IMPG1: variants seen among roughly 807,000 people sequenced by gnomAD.
IMPG1 encodes interphotoreceptor matrix proteoglycan of 150 kDa.
Under a neutral mutation model 92.0 loss-of-function variants are expected in IMPG1, and 85 were observed. That is an observed-to-expected ratio of 0.92 (90% CI 0.78 to 1.11). The LOEUF is 1.11. Among genes scored for constraint, IMPG1 ranks in the 50% least tolerant of loss-of-function variants. IMPG1 has a pLI of 0.00. For missense variants in IMPG1, 1,022 were observed against 956.0 expected (o/e 1.07, Z -0.91); for synonymous variants, 367 against 334.1 (o/e 1.10, Z -1.08).
At chr6:75,976,062 T>C (rs1782527333) in intron 12 of IMPG1, among the ~76,000 whole-genome samples, 1 of 152,296 alleles carries the variant, frequency 6.6e-6, no homozygotes, top group East Asian at 1.9e-4. Flanking sequence ...TCCTGGGTTA[T>C]GTTTGGTCTG....
Position 76,047,263 on chromosome 6 carries a change from C to A in IMPG1, c.68-5137G>T, listed in dbSNP as rs575607475. Among the ~76,000 whole-genome samples, 37 of 152,288 alleles carry A rather than the reference C, an allele frequency of 2.4e-4. 1 individual carries two copies. Among genetic ancestry groups the A allele is most frequent in the Admixed American group, 1.6e-3 (24 of 15,292 alleles). ...GTCTTTCATATGGGAGGGCCCTTCT[C>A]TTCCTTCTCTGTTGTTTTCCTACTT... On this transcript the variant is annotated intron_variant, in intron 1 of 16. Transcript: ENST00000369950.
chr6:76,065,016 CTA>C (rs1784284127), intron 1 of IMPG1, among the ~76,000 whole-genome samples: 2 of 152,002 alleles, frequency 1.3e-5, no homozygotes, highest in Middle Eastern at 3.2e-3. Flanking sequence ...AGCCAAAAGA[CTA>C]TTTTTCTCCC....
Position 76,069,102 on chromosome 6 carries a change from G to A in IMPG1, c.67+3320C>T, listed in dbSNP as rs576966620. Among the ~76,000 whole-genome samples the A allele has an allele frequency of 7.2e-5, 11 of 152,102 alleles. No individual in the cohort carries two copies. In the South Asian group the frequency reaches 1.2e-3, roughly 17 times the overall value. ...CAACCAGTTCATCTTTGACATAGTC[G>A]ACAAAAATATACACTGGGGAAAGAA... On this transcript the variant is annotated intron_variant, in intron 1 of 16. Transcript: ENST00000369950.
intron 12 of IMPG1, among the ~76,000 whole-genome samples, chr6:75,965,494 G>A (rs1782291158): frequency 6.6e-6 from 1 of 151,340 alleles, no homozygotes; most frequent in Non-Finnish European, 1.5e-5. Context: ...ATCTGTATAT[G>A]AGGTAAAATG....
chr6:75,968,581 C>CT (rs147668672), intron 12 of IMPG1, among the ~76,000 whole-genome samples: 26,051 of 147,836 alleles, frequency 0.18, 2,628 homozygotes, highest in Admixed American at 0.28. Context: ...AAATTTTAGC[C>CT]TTTTTTTTTT....
intron 13 of IMPG1, 120 bp from the exon 14 acceptor site, chr6:75,947,653 G>T: frequency 1.4e-6 from 1 of 737,558 alleles, no homozygotes; most frequent in Non-Finnish European, 2.2e-6. Context: ...TTATTATTTT[G>T]ATTTTTGTTT....
chr6:76,050,353 G>A (rs554712927), intron 1 of IMPG1, among the ~76,000 whole-genome samples: 2 of 152,284 alleles, frequency 1.3e-5, no homozygotes, highest in South Asian at 2.1e-4. Context: ...TGAGGCATGA[G>A]AATCGCTTGA....
chr6:76,043,874 C>G (rs1005619404), intron 1 of IMPG1, among the ~76,000 whole-genome samples: 1 of 152,186 alleles, frequency 6.6e-6, no homozygotes, highest in Non-Finnish European at 1.5e-5. Flanking sequence ...ATCAAATTCC[C>G]CTGATGATGG....
chr6:76,003,438 T>C (rs1268389789), intron 11 of IMPG1, among the ~76,000 whole-genome samples: 1 of 152,242 alleles, frequency 6.6e-6, no homozygotes, highest in Non-Finnish European at 1.5e-5. Context: ...CATTAATTTG[T>C]ATTTATCAAA....
In IMPG1 at chr6:75,974,397, T is replaced by TTCCTTCCTTCCTTCCTTGC. The variant is rs1384914258; in HGVS notation, c.1292-23304_1292-23303insGCAAGGAAGGAAGGAAGGA. ...TTTCTTTCTTTCTTTCTTTCTTTTC[T>TTCCTTCCTTCCTTCCTTGC]TTCTTTCCTTCCTTCCTTCCTTCCT... On this transcript the variant is annotated intron_variant, in intron 12 of 16. Coordinates refer to ENST00000369950, the MANE Select transcript of IMPG1 (RefSeq NM_001563.4). Among the ~76,000 whole-genome samples the TTCCTTCCTTCCTTCCTTGC allele has an allele frequency of 1.5e-3, 125 of 81,160 alleles. 3 individuals are homozygous for TTCCTTCCTTCCTTCCTTGC. The highest frequency in any genetic ancestry group is 5.1e-3 in the Middle Eastern group (1 of 196). 53.2% of individuals were successfully genotyped at this position (81,160 alleles called of 152,430 possible). A position where few individuals can be genotyped will look rare whatever the true frequency, so the allele number is the denominator to read the frequency against.
At chr6:76,068,507 A>C (rs1490848985) in intron 1 of IMPG1, among the ~76,000 whole-genome samples, 2 of 133,470 alleles carry the variant, frequency 1.5e-5, no homozygotes, top group South Asian at 2.4e-4. Context: ...TAAAATGTCC[A>C]TACTTTTTTT....
At chr6:76,010,351 C>T (rs1258718395) in intron 8 of IMPG1, among the ~76,000 whole-genome samples, 2 of 152,146 alleles carry the variant, frequency 1.3e-5, no homozygotes, top group Admixed American at 6.6e-5. Flanking sequence ...CCCTGTGGCA[C>T]ATTTTAAAAA....
chr6:76,061,713 C>T (rs766030598), intron 1 of IMPG1, among the ~76,000 whole-genome samples: 2 of 152,100 alleles, frequency 1.3e-5, no homozygotes, highest in African/African-American at 2.4e-5. Flanking sequence ...TCTTTTTTCT[C>T]TTTCTCTTAT....
At chr6:75,980,941 A>G (rs1782617278) in intron 12 of IMPG1, among the ~76,000 whole-genome samples, 1 of 152,228 alleles carries the variant, frequency 6.6e-6, no homozygotes, top group Non-Finnish European at 1.5e-5. Flanking sequence ...GTAAGACTGA[A>G]GGTAAGGCCC....
intron 1 of IMPG1, among the ~76,000 whole-genome samples, chr6:76,049,247 A>T (rs138990458): frequency 5.3e-4 from 81 of 152,300 alleles, no homozygotes; most frequent in Non-Finnish European, 8.7e-4. Context: ...AGGATACTAG[A>T]CTTAATAGCT....
At chr6:76,048,509 G>T (rs2787849) in intron 1 of IMPG1, among the ~76,000 whole-genome samples, 124,472 of 152,082 alleles carry the variant, frequency 0.82, 53,141 homozygotes, top group Non-Finnish European at 0.94. Context: ...TTTGATGATT[G>T]GTCTGTGCTC....
intron 1 of IMPG1, among the ~76,000 whole-genome samples, chr6:76,064,694 C>T (rs114666114): frequency 0.011 from 1,747 of 152,304 alleles, 29 homozygotes; most frequent in African/African-American, 0.04. Flanking sequence ...GGCCACTGTG[C>T]ATTCCATAGA....
chr6:75,988,004 C>G (rs1414669077), intron 12 of IMPG1, among the ~76,000 whole-genome samples: 1 of 152,180 alleles, frequency 6.6e-6, no homozygotes, highest in Non-Finnish European at 1.5e-5. Flanking sequence ...GCCACATTTT[C>G]TTAATCCAGT....
rs192745373 is a variant in IMPG1, at chr6:75,925,725, G to T, written c.2244-2019C>A. ...CTGTCACCCAGGCTGGAGTGCAGTGGCATGATCTTGGCTCACTGCAACCTC... is the reference window on the plus strand; with the variant it reads ...CTGTCACCCAGGCTGGAGTGCAGTGTCATGATCTTGGCTCACTGCAACCTC... On this transcript the variant is annotated intron_variant, in intron 15 of 16. Coordinates refer to ENST00000369950, the MANE Select transcript of IMPG1 (RefSeq NM_001563.4). Among the ~76,000 whole-genome samples, 458 of 152,270 alleles carry T rather than the reference G, an allele frequency of 3.0e-3. 1 individual carries two copies. Among genetic ancestry groups the T allele is most frequent in the Non-Finnish European group, 4.9e-3 (330 of 68,016 alleles).
Sources: allele counts gnomAD v4.1 joint callset (sites outside exome capture counted in the v4.1 genomes callset), GRCh38; gene constraint gnomAD v4.1.1; transcripts MANE v1.5; gene names NCBI Gene and HGNC (gene_info 2026-07-23, HGNC 2026-07-21).